Variants in CHST11 observed in about 807,000 individuals in gnomAD.
CHST11 encodes the protein carbohydrate sulfotransferase 11, also known as C4S-1.
CHST11 carries 9 observed loss-of-function variants against 30.4 expected under a neutral mutation model. The ratio of observed to expected loss-of-function variants is 0.30; its 90% CI spans 0.18 to 0.52. The LOEUF (loss-of-function observed/expected upper bound fraction) is 0.52, where lower values mean the gene tolerates loss of function less well. Among genes scored for constraint, CHST11 ranks in the 20% least tolerant of loss-of-function variants. The pLI, the probability that CHST11 is intolerant of heterozygous loss-of-function variation, is 0.97. For missense variants in CHST11, 348 were observed against 460.6 expected (o/e 0.76, Z 2.24); for synonymous variants, 152 against 187.8 (o/e 0.81, Z 1.56).
intron 1 of CHST11, among the ~76,000 whole-genome samples, chr12:104,492,026 C>T (rs1277121401): frequency 6.6e-6 from 1 of 152,218 alleles, no homozygotes; most frequent in African/African-American, 2.4e-5. Flanking sequence ...TCAGTCTTAG[C>T]TCGTATACCT....
At chr12:104,690,143 T>C (rs1389069220) in intron 2 of CHST11, among the ~76,000 whole-genome samples, 2 of 152,176 alleles carry the variant, frequency 1.3e-5, no homozygotes, top group Non-Finnish European at 2.9e-5. Context: ...AGAGAAAGGA[T>C]TGAGCAGAGC....
At chr12:104,593,347 A>C (rs573090955) in intron 1 of CHST11, among the ~76,000 whole-genome samples, 2 of 152,314 alleles carry the variant, frequency 1.3e-5, no homozygotes, top group East Asian at 3.9e-4. Context: ...GAATGGTTTT[A>C]ATGGCTCTGA....
chr12:104,528,244 T>G (rs12321380), intron 1 of CHST11, among the ~76,000 whole-genome samples: 6,672 of 152,284 alleles, frequency 0.044, 501 homozygotes, highest in African/African-American at 0.15. Context: ...CACAACATCC[T>G]TTCAGGTAAG....
chr12:104,665,595 T>C (rs958391092), intron 2 of CHST11, among the ~76,000 whole-genome samples: 3 of 152,120 alleles, frequency 2.0e-5, no homozygotes, highest in African/African-American at 4.8e-5. Context: ...TAAAGTGCTT[T>C]GCACAGCATC....
At chr12:104,568,225 C>T (rs745917994) in intron 1 of CHST11, among the ~76,000 whole-genome samples, 3 of 152,070 alleles carry the variant, frequency 2.0e-5, no homozygotes, top group Non-Finnish European at 2.9e-5. Context: ...CTTTGCCTGG[C>T]GAGAGGAGTC....
chr12:104,741,215 G>A (rs2040344054), intron 2 of CHST11, among the ~76,000 whole-genome samples: 1 of 152,188 alleles, frequency 6.6e-6, no homozygotes, highest in South Asian at 2.1e-4. Flanking sequence ...TAAAGGTGGT[G>A]GAAATGGCTC....
intron 2 of CHST11, among the ~76,000 whole-genome samples, chr12:104,748,246 T>G (rs1592873105): frequency 6.6e-6 from 1 of 152,234 alleles, no homozygotes; most frequent in Middle Eastern, 3.4e-3. Flanking sequence ...TGTGAATTGG[T>G]GAAAGACATT....
At chr12:104,618,205 C>T (rs2136058269) in intron 2 of CHST11, among the ~76,000 whole-genome samples, 1 of 148,714 alleles carries the variant, frequency 6.7e-6, no homozygotes, top group East Asian at 2.0e-4. Context: ...CTGTGCCTGG[C>T]TTCTTCTTCT....
At chr12:104,733,235 T>G (rs768508266) in intron 2 of CHST11, among the ~76,000 whole-genome samples, 5 of 152,244 alleles carry the variant, frequency 3.3e-5, no homozygotes, top group Non-Finnish European at 7.3e-5. Flanking sequence ...CAGACTGTTT[T>G]TGCTAGATGC....
chr12:104,521,024 C>T (rs1045404417), intron 1 of CHST11, among the ~76,000 whole-genome samples: 1 of 151,918 alleles, frequency 6.6e-6, no homozygotes, highest in African/African-American at 2.4e-5. Context: ...GTCTTTTTTT[C>T]CCCAGCTGCC....
At chr12:104,539,251 G>A (rs767015632) in intron 1 of CHST11, among the ~76,000 whole-genome samples, 41 of 152,150 alleles carry the variant, frequency 2.7e-4, no homozygotes, top group Non-Finnish European at 4.7e-4. Context: ...CTTGCCTGCT[G>A]TGTGACCTTG....
At chr12:104,481,607 C>T (rs574570933) in intron 1 of CHST11, among the ~76,000 whole-genome samples, 3 of 152,040 alleles carry the variant, frequency 2.0e-5, no homozygotes, top group East Asian at 3.9e-4. Flanking sequence ...TGGGGGGCAA[C>T]GATATCAGAT....
intron 1 of CHST11, among the ~76,000 whole-genome samples, chr12:104,564,987 T>C (rs2038547961): frequency 6.6e-6 from 1 of 151,038 alleles, no homozygotes; most frequent in African/African-American, 2.5e-5. Context: ...TTCAATTACA[T>C]CCCACCAGGT....
chr12:104,498,232 C>T (rs2037819627), intron 1 of CHST11, among the ~76,000 whole-genome samples: 1 of 152,002 alleles, frequency 6.6e-6, no homozygotes, highest in Non-Finnish European at 1.5e-5. Flanking sequence ...AGACCCTGTC[C>T]CCTCTCTTGT....
chr12:104,629,801 A>G (rs186721865), intron 2 of CHST11, among the ~76,000 whole-genome samples: 218 of 152,330 alleles, frequency 1.4e-3, no homozygotes, highest in African/African-American at 4.8e-3. Flanking sequence ...CAGCCTGGGC[A>G]AGAGTTAATG....
intron 1 of CHST11, among the ~76,000 whole-genome samples, chr12:104,528,408 A>T (rs907097): frequency 0.57 from 86,525 of 152,004 alleles, 25,487 homozygotes; most frequent in East Asian, 0.97. Flanking sequence ...GTGCTCAATC[A>T]CATAGTAAAT....
At chr12:104,472,800 TGTGGTGGTG>T (rs370789162) in intron 1 of CHST11, among the ~76,000 whole-genome samples, 108 of 151,702 alleles carry the variant, frequency 7.1e-4, no homozygotes, top group African/African-American at 2.6e-3. Context: ...TGGTGGTGGT[TGTGGTGGTG>T]GTGGTGGAAG....
intron 2 of CHST11, among the ~76,000 whole-genome samples, chr12:104,671,614 C>G (rs2039698354): frequency 6.6e-6 from 1 of 152,168 alleles, no homozygotes; most frequent in Non-Finnish European, 1.5e-5. Flanking sequence ...AGAACGCCTA[C>G]AGTGTGAGCA....
At chr12:104,510,184 A>C (rs1464084127) in intron 1 of CHST11, among the ~76,000 whole-genome samples, 3 of 152,158 alleles carry the variant, frequency 2.0e-5, no homozygotes, top group Non-Finnish European at 4.4e-5. Flanking sequence ...GTTTAGTAAG[A>C]CCTCACACAT....
Sources: allele counts gnomAD v4.1 joint callset (sites outside exome capture counted in the v4.1 genomes callset), GRCh38; gene constraint gnomAD v4.1.1; transcripts MANE v1.5; gene names NCBI Gene and HGNC (gene_info 2026-07-23, HGNC 2026-07-21).